ADGRG6: variants seen among roughly 807,000 people sequenced by gnomAD.
ADGRG6 encodes G-protein coupled receptor 126.
In ADGRG6, 84 loss-of-function variants were observed where a neutral mutation model predicts 142.4. That is an observed-to-expected ratio of 0.59 (90% CI 0.49 to 0.71). ADGRG6 has a LOEUF of 0.71. Among genes scored for constraint, ADGRG6 ranks in the 30% least tolerant of loss-of-function variants. ADGRG6 has a pLI of 0.00. For synonymous variants in ADGRG6, 521 were observed against 520.5 expected (o/e 1.00, Z -0.01); for missense variants, 1,367 against 1,466.6 (o/e 0.93, Z 1.11).
intron 21 of ADGRG6, 83 bp downstream of exon 21, chr6:142,417,452 C>A: frequency 1.5e-6 from 1 of 688,174 alleles, no homozygotes. Flanking sequence ...AATAACAAGG[C>A]TTTCATTTTA....
intron 2 of ADGRG6, among the ~76,000 whole-genome samples, chr6:142,333,720 A>G (rs1485228175): frequency 6.6e-6 from 1 of 152,150 alleles, no homozygotes; most frequent in Admixed American, 6.5e-5. Flanking sequence ...TCTTTTCAAG[A>G]TGAGATCAAT....
chr6:142,413,898 ATC>A (rs1491360545), intron 18 of ADGRG6, among the ~76,000 whole-genome samples: 8 of 89,854 alleles, frequency 8.9e-5, no homozygotes, highest in Non-Finnish European at 1.8e-4. Flanking sequence ...ACATTTCTTT[ATC>A]ACACACACAC....
chr6:142,354,222 A>C lies in ADGRG6; in HGVS notation c.104-13347A>C, dbSNP rs533487139. Among the ~76,000 whole-genome samples the C allele has an allele frequency of 1.8e-4, 27 of 152,270 alleles. No individual in the cohort carries two copies. The South Asian group carries it at 5.6e-3, about 32-fold the overall frequency. ...TGGTGAAACCCCATCTCTACTAAAA[A>C]TACAAAATTAGCTGGGCGTGGTGGC... On this transcript the variant is annotated intron_variant, in intron 2 of 24. Transcript: ENST00000367609.
intron 2 of ADGRG6, among the ~76,000 whole-genome samples, chr6:142,352,123 C>T (rs542022181): frequency 6.6e-6 from 1 of 152,138 alleles, no homozygotes; most frequent in South Asian, 2.1e-4. Context: ...GGTATATACC[C>T]AAAGGAAAAT....
At chr6:142,392,774 G>T (rs1406816450) in intron 7 of ADGRG6, among the ~76,000 whole-genome samples, 174 bp from the exon 8 acceptor site, 2 of 151,932 alleles carry the variant, frequency 1.3e-5, no homozygotes, top group Non-Finnish European at 2.9e-5. Context: ...CAAATTCTTG[G>T]TATACAGTGA....
In ADGRG6 at chr6:142,402,015, A is replaced by T; in HGVS notation, c.1701A>T (p.Pro567=). The T allele has an allele frequency of 6.5e-7, 1 of 1,539,932 alleles. No homozygotes were observed. The highest frequency in any genetic ancestry group is 8.9e-7 in the Non-Finnish European group (1 of 1,120,460). Residue 567 remains proline (P), a synonymous_variant, in exon 12 of 25, where the codon CCA becomes CCT. Transcript: ENST00000367609. The stretch of plus-strand genomic sequence containing the variant: ...ATAGTTTTTACAATGCTACCAACCC[A>T]TTGGTAACCTACTGGGGACCTGTTG... ...SRICFYNATN[P]LVTYWGPVDI... is the part of the protein sequence containing the mutation.
At chr6:142,407,170 T>TAAAAAAAAAAAAAA (rs11414768) in intron 15 of ADGRG6, among the ~76,000 whole-genome samples, 52 of 120,994 alleles carry the variant, frequency 4.3e-4, no homozygotes, top group African/African-American at 1.6e-3. Context: ...CCCGTCTCTT[T>TAAAAAAAAAAAAAA]AAAAAAAAAA....
At chr6:142,385,410 C>T (rs903026349) in intron 6 of ADGRG6, among the ~76,000 whole-genome samples, 2 of 152,166 alleles carry the variant, frequency 1.3e-5, no homozygotes, top group Non-Finnish European at 1.5e-5. Flanking sequence ...GAAATATTCT[C>T]AAAATTGTGT....
intron 1 of ADGRG6, among the ~76,000 whole-genome samples, chr6:142,306,314 A>C (rs976708325): frequency 1.3e-5 from 2 of 152,232 alleles, no homozygotes; most frequent in Non-Finnish European, 2.9e-5. Context: ...CATTTAAAGC[A>C]ATTCTGTAGA....
chr6:142,441,102 T>C (rs578261706), intron 24 of ADGRG6: 21 of 547,208 alleles, frequency 3.8e-5, no homozygotes, highest in African/African-American at 3.0e-4. Context: ...TGAGCTGGAA[T>C]TTCTGAAGTT....
At chr6:142,331,991 G>T (rs913672604) in intron 2 of ADGRG6, among the ~76,000 whole-genome samples, 2 of 151,834 alleles carry the variant, frequency 1.3e-5, no homozygotes, top group African/African-American at 4.8e-5. Flanking sequence ...CTTTATAATG[G>T]GACAATTAAA....
At chr6:142,368,548 T>A (rs1275128512) in intron 3 of ADGRG6, among the ~76,000 whole-genome samples, 1 of 152,120 alleles carries the variant, frequency 6.6e-6, no homozygotes, top group Admixed American at 6.5e-5. Flanking sequence ...TATACTGTTT[T>A]TTTTTTCTTC....
chr6:142,370,040 G>A (rs1781158629), intron 3 of ADGRG6, 130 bp from the exon 4 acceptor site: 1 of 621,578 alleles, frequency 1.6e-6, no homozygotes, highest in Admixed American at 3.0e-5. Flanking sequence ...TGAGTAAGAG[G>A]GGAGGGATGG....
intron 18 of ADGRG6, among the ~76,000 whole-genome samples, chr6:142,414,644 GCA>G (rs1776261406): frequency 2.6e-5 from 4 of 152,148 alleles, no homozygotes; most frequent in Admixed American, 2.0e-4. Context: ...GGTTTATTAT[GCA>G]AGGCAACCGT....
chr6:142,417,961 C>A (rs9496376), intron 21 of ADGRG6, among the ~76,000 whole-genome samples: 2,734 of 152,070 alleles, frequency 0.018, 88 homozygotes, highest in African/African-American at 0.063. Context: ...TGAAATGGGA[C>A]CCATCATGCC....
At chr6:142,438,429 A>T (rs966078942) in intron 24 of ADGRG6, 65 bp downstream of exon 24, 1 of 1,086,636 alleles carries the variant, frequency 9.2e-7, no homozygotes, top group Non-Finnish European at 1.3e-6. Context: ...TTGGCATATC[A>T]TGAAGATTGA....
Position 142,370,122 on chromosome 6 carries a change from G to A in ADGRG6, c.446-48G>A, listed in dbSNP as rs763285669. 9 of 1,512,200 alleles carry A rather than the reference G, an allele frequency of 6.0e-6. No homozygotes were observed. The South Asian group carries it at 9.0e-5, about 15-fold the overall frequency. The allele number at this position is 1,512,200 out of a possible 1,614,324, so 93.7% of individuals were successfully genotyped here. A position where few individuals can be genotyped will look rare whatever the true frequency, so the allele number is the denominator to read the frequency against. Reference sequence around the variant, plus strand: ...TTGATGTTTTGCATCACATTAGTCTGTGTTCTGAAGTTAACAGGTTTATCT... The same window carrying A: ...TTGATGTTTTGCATCACATTAGTCTATGTTCTGAAGTTAACAGGTTTATCT... On this transcript the variant is annotated intron_variant, in intron 3 of 24. Transcript: ENST00000367609.
At position 142,411,375 on chromosome 6, in the gene ADGRG6, C is replaced by A; in HGVS notation, c.2505C>A (p.Cys835Ter). 1 of 1,602,302 alleles carries A rather than the reference C, an allele frequency of 6.2e-7. No individual in the cohort carries two copies. Among genetic ancestry groups the A allele is most frequent in the Non-Finnish European group, 8.6e-7 (1 of 1,169,490 alleles). ...ATTCAGATGCAAGTGAGACAGTCTG[C>A]CTGTGTAACCACTTCACACACTTTG... Reference protein sequence around the residue: ...HRDSDASETVCLCNHFTHFGV... With the variant: ...HRDSDASETV Residue 835 changes from cysteine to a stop codon, truncating the protein, a stop_gained, in exon 18 of 25, where the codon TGC (cysteine) becomes TGA (stop). Coordinates refer to ENST00000367609, the MANE Select transcript of ADGRG6 (RefSeq NM_198569.3). LOFTEE classifies it high-confidence loss of function.
At chr6:142,409,542 T>C (rs750945650) in intron 16 of ADGRG6, among the ~76,000 whole-genome samples, 4 of 152,130 alleles carry the variant, frequency 2.6e-5, no homozygotes, top group Non-Finnish European at 4.4e-5. Context: ...TAAAGGAGAA[T>C]TTTGAAGATG....
Sources: allele counts gnomAD v4.1 joint callset (sites outside exome capture counted in the v4.1 genomes callset), GRCh38; gene constraint gnomAD v4.1.1; transcripts MANE v1.5; gene names NCBI Gene and HGNC (gene_info 2026-07-23, HGNC 2026-07-21).